The following TENT4B variants were observed in gnomAD, a reference collection of about 807,000 sequenced individuals.
TENT4B encodes the protein PAP associated domain containing 5.
Under a neutral mutation model 75.0 loss-of-function variants are expected in TENT4B, and 10 were observed. The ratio of observed to expected loss-of-function variants is 0.13; its 90% CI spans 0.08 to 0.23. The LOEUF (loss-of-function observed/expected upper bound fraction) is 0.23. Among genes scored for constraint, TENT4B ranks in the 10% least tolerant of loss-of-function variants. The probability of loss-of-function intolerance (pLI) is 1.00; values close to 1 mark genes in which losing one functional copy is unlikely to be tolerated. For missense variants in TENT4B, 579 were observed against 893.8 expected, an observed-to-expected ratio of 0.65 and a Z score of 4.49; for synonymous variants, 350 against 357.7, an observed-to-expected ratio of 0.98 and a Z score of 0.24.
At chr16:50,168,149 A>C (rs2038138764) in intron 1 of TENT4B, among the ~76,000 whole-genome samples, 1 of 150,276 alleles carries the variant, frequency 6.7e-6, no homozygotes, top group Admixed American at 6.6e-5. Context: ...CAGTTTTGCC[A>C]ATTTTGTAGT....
intron 1 of TENT4B, among the ~76,000 whole-genome samples, chr16:50,173,376 G>A (rs2038243205): frequency 6.6e-6 from 1 of 152,174 alleles, no homozygotes; most frequent in Admixed American, 6.5e-5. Flanking sequence ...AAACATCTGT[G>A]TGTAGGTTTT....
At chr16:50,196,465 T>TA (rs1414893645) in intron 1 of TENT4B, among the ~76,000 whole-genome samples, 1 of 150,514 alleles carries the variant, frequency 6.6e-6, no homozygotes, top group Admixed American at 6.7e-5. Context: ...GCCATATACT[T>TA]AGAGTAGCTT....
At chr16:50,207,851 C>T (rs1200258998) in intron 1 of TENT4B, among the ~76,000 whole-genome samples, 3 of 152,180 alleles carry the variant, frequency 2.0e-5, no homozygotes, top group Non-Finnish European at 4.4e-5. Context: ...ACTCTACAAA[C>T]GGACTTCCAG....
At chr16:50,229,085 A>G (rs2032181700) in intron 11 of TENT4B, 67 bp from the exon 12 acceptor site, 2 of 1,578,248 alleles carry the variant, frequency 1.3e-6, no homozygotes, top group Admixed American at 2.0e-5. Flanking sequence ...CCCCAAATCC[A>G]GGTGTTTGAG....
chr16:50,183,014 C>T (rs551235301), intron 1 of TENT4B, among the ~76,000 whole-genome samples: 15 of 146,012 alleles, frequency 1.0e-4, no homozygotes, highest in Non-Finnish European at 1.9e-4. Context: ...GCACCACACC[C>T]GGCTTTCTTG....
At chr16:50,202,277 A>C (rs372318237) in intron 1 of TENT4B, among the ~76,000 whole-genome samples, 1 of 152,204 alleles carries the variant, frequency 6.6e-6, no homozygotes, top group Non-Finnish European at 1.5e-5. Flanking sequence ...ATAGGGAAAG[A>C]TGTTACAAAT....
intron 1 of TENT4B, among the ~76,000 whole-genome samples, chr16:50,169,314 AC>A (rs1345605857): frequency 3.4e-5 from 5 of 147,252 alleles, no homozygotes; most frequent in African/African-American, 1.3e-4. Flanking sequence ...GTATCAGTTT[AC>A]TATGATCCCT....
At chr16:50,215,847 AT>A (rs1269784575) in intron 3 of TENT4B, among the ~76,000 whole-genome samples, 1 of 152,034 alleles carries the variant, frequency 6.6e-6, no homozygotes, top group Non-Finnish European at 1.5e-5. Context: ...AAATCACCCT[AT>A]TTCCTGAGGC....
intron 1 of TENT4B, among the ~76,000 whole-genome samples, chr16:50,165,087 A>G (rs1217714834): frequency 6.6e-6 from 1 of 151,722 alleles, no homozygotes; most frequent in Non-Finnish European, 1.5e-5. Flanking sequence ...AATATGACAA[A>G]CATCTTTTCA....
chr16:50,180,448 C>G (rs1399347730), intron 1 of TENT4B, among the ~76,000 whole-genome samples: 2 of 152,110 alleles, frequency 1.3e-5, no homozygotes, highest in Non-Finnish European at 2.9e-5. Flanking sequence ...TGGTTCATGC[C>G]TGTAATCTCA....
rs1216992908 is a variant in TENT4B, at chr16:50,180,159, A to G, written c.638+25900A>G. Among the ~76,000 whole-genome samples the G allele has an allele frequency of 4.0e-5, 6 of 150,404 alleles. No individual in the cohort carries two copies. In the South Asian group the frequency reaches 1.0e-3, roughly 26 times the overall value. On this transcript the variant is annotated intron_variant, in intron 1 of 11. Coordinates refer to ENST00000561678, the MANE Select transcript of TENT4B (RefSeq NM_001365324.3). ...CGCTCTTTTGCCCAGGCTGGAGTGC[A>G]ATGGTGCGATCTCAGCTTACTGCAA... is the stretch of plus-strand genomic sequence containing the variant.
In TENT4B at chr16:50,231,196, T is replaced by G. The variant is rs2032282887; in HGVS notation, c.*1868T>G. On this transcript the variant is annotated 3_prime_UTR_variant, in exon 12 of 12. Transcript: ENST00000561678. The stretch of plus-strand genomic sequence containing the variant: ...TTCAAATGTGATGTTATTTTGACAA[T>G]GTTTTAAATTTTAGAGTCACATTTT... The G allele has an allele frequency of 1.0e-5, 10 of 985,166 alleles. No individual in the cohort carries two copies. The highest frequency in any genetic ancestry group is 1.2e-5 in the Non-Finnish European group (10 of 829,304). 61.0% of individuals were successfully genotyped at this position (985,166 alleles called of 1,614,324 possible).
At chr16:50,185,586 C>T (rs2038510277) in intron 1 of TENT4B, among the ~76,000 whole-genome samples, 1 of 152,122 alleles carries the variant, frequency 6.6e-6, no homozygotes, top group African/African-American at 2.4e-5. Context: ...ATTGTGTAAA[C>T]CTTTGATTTT....
At chr16:50,204,902 C>G (rs1037847265) in intron 1 of TENT4B, among the ~76,000 whole-genome samples, 44 of 152,248 alleles carry the variant, frequency 2.9e-4, no homozygotes, top group African/African-American at 1.1e-3. Flanking sequence ...TCACTGCATT[C>G]CTGGGTTTGG....
Position 50,154,653 on chromosome 16 carries a change from G to C in TENT4B, c.638+394G>C, listed in dbSNP as rs376855062. Among the ~76,000 whole-genome samples, 15 of 151,378 alleles carry C rather than the reference G, an allele frequency of 9.9e-5. No homozygotes were observed. The East Asian group carries it at 2.1e-3, about 22-fold the overall frequency. On this transcript the variant is annotated intron_variant, in intron 1 of 11. Coordinates refer to ENST00000561678, the MANE Select transcript of TENT4B (RefSeq NM_001365324.3). The stretch of plus-strand genomic sequence containing the variant: ...TCCCCATCATCACAACTCAAGATGA[G>C]ACCGCTTAGCACGGGCCTATCATTC...
chr16:50,211,505 C>G (rs527764551), intron 2 of TENT4B, 59 bp downstream of exon 2: 1 of 1,467,562 alleles, frequency 6.8e-7, no homozygotes, highest in East Asian at 2.6e-5. Context: ...GGCTAGAAGC[C>G]TATCTGCTGG....
At chr16:50,175,493 T>C (rs2038288682) in intron 1 of TENT4B, among the ~76,000 whole-genome samples, 2 of 152,166 alleles carry the variant, frequency 1.3e-5, no homozygotes, top group Non-Finnish European at 2.9e-5. Flanking sequence ...GTCTGGATTC[T>C]CTCTTTTTTT....
chr16:50,231,740 C>T lies in TENT4B; in HGVS notation c.*2412C>T, dbSNP rs1412530063. On this transcript the variant is annotated 3_prime_UTR_variant, in exon 12 of 12. Coordinates refer to ENST00000561678, the MANE Select transcript of TENT4B (RefSeq NM_001365324.3). ...TGTATACATTTCCTCAAATGACCAG[C>T]ATTGTATTCGTGAATACTGTGTATC... 32 of 985,698 alleles carry T rather than the reference C, an allele frequency of 3.2e-5. No homozygotes were observed. Among genetic ancestry groups the T allele is most frequent in the Non-Finnish European group, 3.9e-5 (32 of 829,928 alleles). 61.1% of individuals were successfully genotyped at this position (985,698 alleles called of 1,614,324 possible). A position where few individuals can be genotyped will look rare whatever the true frequency, so the allele number is the denominator to read the frequency against.
Position 50,225,008 on chromosome 16 carries a change from C to T in TENT4B, c.1612+14C>T, listed in dbSNP as rs2031984705. 1 of 1,611,824 alleles carries T rather than the reference C, an allele frequency of 6.2e-7. No individual in the cohort carries two copies. Among genetic ancestry groups the T allele is most frequent in the Non-Finnish European group, 8.5e-7 (1 of 1,178,240 alleles). On this transcript the variant is annotated intron_variant, in intron 9 of 11. Coordinates refer to ENST00000561678, the MANE Select transcript of TENT4B (RefSeq NM_001365324.3). ...CTTCATGCAATGGTAAGATATTTTC[C>T]TTGGTCGATTGACTGAGTATTAGAG...
Sources: allele counts gnomAD v4.1 joint callset (sites outside exome capture counted in the v4.1 genomes callset), GRCh38; gene constraint gnomAD v4.1.1; transcripts MANE v1.5; gene names NCBI Gene and HGNC (gene_info 2026-07-23, HGNC 2026-07-21).